The following NSG2 variants were observed in gnomAD, a reference collection of about 807,000 sequenced individuals.
The protein encoded by NSG2 is neuronal vesicle trafficking associated 2, also known as neuronal vesicle trafficking-associated protein 2.
A neutral mutation model predicts 16.9 loss-of-function variants in NSG2; 4 were observed. The ratio of observed to expected loss-of-function variants is 0.24; its 90% CI spans 0.12 to 0.54. The LOEUF (loss-of-function observed/expected upper bound fraction) is 0.54. NSG2 is among the 20% of genes least tolerant of loss of function. The probability of loss-of-function intolerance (pLI) is 0.95; values close to 1 mark genes in which losing one functional copy is unlikely to be tolerated. For synonymous variants in NSG2, 98 were observed against 88.7 expected (o/e 1.11, Z -0.59); for missense variants, 179 against 221.1 (o/e 0.81, Z 1.21).
At chr5:174,092,154 C>T (rs1467775820) in intron 3 of NSG2, among the ~76,000 whole-genome samples, 3 of 152,234 alleles carry the variant, frequency 2.0e-5, no homozygotes, top group Non-Finnish European at 4.4e-5. Flanking sequence ...TATGTGTACT[C>T]AGGACTCTGC....
intron 2 of NSG2, among the ~76,000 whole-genome samples, chr5:174,059,708 G>A (rs1760020208): frequency 6.6e-6 from 1 of 152,060 alleles, no homozygotes; most frequent in African/African-American, 2.4e-5. Context: ...ATGTCATCTG[G>A]ACCCAGCTCC....
In NSG2 at chr5:174,107,613, G is replaced by A. The variant is rs763544673; in HGVS notation, c.*108G>A. ...CTGTACTCCTGGGATATGGGGGCGG[G>A]GGCGGGGCAGGGCAGGGTGGGGGGA... On this transcript the variant is annotated 3_prime_UTR_variant, in exon 5 of 5. Transcript: ENST00000303177. The surrounding 1 kb of genome is among the most constrained non-coding windows in gnomAD (Gnocchi z 4.5). 11 of 995,244 alleles carry A rather than the reference G, an allele frequency of 1.1e-5. No homozygotes were observed. Among genetic ancestry groups the A allele is most frequent in the Non-Finnish European group, 1.4e-5 (9 of 656,810 alleles). The allele number at this position is 995,244 out of a possible 1,614,324, so 61.7% of individuals were successfully genotyped here.
In NSG2 at chr5:174,107,548, A is replaced by T. The variant is rs1474956366; in HGVS notation, c.*43A>T. Reference sequence around the variant, plus strand: ...AATGGGGGGCGGGGTGGAGAGGAGGACCCCCATTGGCTAAGCCAAGCTCCA... The same window carrying T: ...AATGGGGGGCGGGGTGGAGAGGAGGTCCCCCATTGGCTAAGCCAAGCTCCA... On this transcript the variant is annotated 3_prime_UTR_variant, in exon 5 of 5. Transcript: ENST00000303177. This position sits in a 1 kb window ranked among gnomAD's most constrained non-coding sequence, Gnocchi z 4.5. The T allele has an allele frequency of 9.8e-6, 13 of 1,327,128 alleles. No individual in the cohort carries two copies. The highest frequency in any genetic ancestry group is 1.3e-5 in the Non-Finnish European group (13 of 1,002,962). The allele number at this position is 1,327,128 out of a possible 1,614,324, so 82.2% of individuals were successfully genotyped here.
At chr5:174,100,695 G>T (rs1431697167) in intron 3 of NSG2, among the ~76,000 whole-genome samples, 1 of 152,204 alleles carries the variant, frequency 6.6e-6, no homozygotes, top group Admixed American at 6.5e-5. Flanking sequence ...TGGTGCTTTG[G>T]TGAATCAGCC....
intron 3 of NSG2, among the ~76,000 whole-genome samples, chr5:174,089,777 G>A (rs936070735): frequency 2.6e-5 from 4 of 152,022 alleles, no homozygotes; most frequent in African/African-American, 9.7e-5. Context: ...ACCACCTCCG[G>A]CTAGTTTTTA....
intron 3 of NSG2, among the ~76,000 whole-genome samples, chr5:174,081,860 A>G (rs1159732632): frequency 1.4e-5 from 2 of 143,800 alleles, no homozygotes; most frequent in African/African-American, 2.7e-5. Flanking sequence ...ACTGCACTCC[A>G]GCCTGAGCAG....
At chr5:174,104,463 A>G in intron 4 of NSG2, 125 bp downstream of exon 4, 2 of 678,958 alleles carry the variant, frequency 2.9e-6, no homozygotes, top group East Asian at 2.7e-5. Flanking sequence ...TTAAAATGGA[A>G]TATGTGTTTG....
Position 174,066,903 on chromosome 5 carries a change from T to C in NSG2, c.213+2588T>C, listed in dbSNP as rs1760149320. 3.0e-5 allele frequency among the ~76,000 whole-genome samples: 4 copies of C among 135,482 alleles called. No homozygotes were observed. The South Asian group carries it at 9.4e-4, about 32-fold the overall frequency. The allele number at this position is 135,482 out of a possible 152,430, so 88.9% of individuals were successfully genotyped here. A position where few individuals can be genotyped will look rare whatever the true frequency, so the allele number is the denominator to read the frequency against. On this transcript the variant is annotated intron_variant, in intron 3 of 4. Coordinates refer to ENST00000303177, the MANE Select transcript of NSG2 (RefSeq NM_015980.5). Reference sequence around the variant, plus strand: ...TACTTGGGAGGCTGAGGCAGGAGAATGGCGTGAACCCGGGAGGCGGAGCTT... The same window carrying C: ...TACTTGGGAGGCTGAGGCAGGAGAACGGCGTGAACCCGGGAGGCGGAGCTT...
intron 3 of NSG2, among the ~76,000 whole-genome samples, chr5:174,073,229 G>C (rs1760273228): frequency 6.6e-6 from 1 of 152,110 alleles, no homozygotes; most frequent in Non-Finnish European, 1.5e-5. Context: ...TTCACCATTT[G>C]CTTCTACCAA....
intron 3 of NSG2, among the ~76,000 whole-genome samples, chr5:174,076,226 G>A (rs1186726053): frequency 6.6e-6 from 1 of 152,240 alleles, no homozygotes; most frequent in African/African-American, 2.4e-5. Flanking sequence ...CCGGCATGCA[G>A]TAGCCCCTAA....
intron 3 of NSG2, among the ~76,000 whole-genome samples, chr5:174,092,187 GT>G (rs1257350315): frequency 2.0e-5 from 3 of 152,234 alleles, no homozygotes; most frequent in Admixed American, 6.5e-5. Context: ...TCTTTAGATG[GT>G]TCTGATGCTT....
At chr5:174,100,533 A>G (rs1760882088) in intron 3 of NSG2, among the ~76,000 whole-genome samples, 1 of 152,118 alleles carries the variant, frequency 6.6e-6, no homozygotes, top group African/African-American at 2.4e-5. Context: ...GGTGGTGACA[A>G]CCTAGGCATC....
At chr5:174,092,816 C>T (rs1251293503) in intron 3 of NSG2, among the ~76,000 whole-genome samples, 4 of 151,934 alleles carry the variant, frequency 2.6e-5, no homozygotes, top group African/African-American at 9.7e-5. Flanking sequence ...TGAGGATGCT[C>T]TATGTGACTA....
intron 2 of NSG2, among the ~76,000 whole-genome samples, chr5:174,060,657 A>C (rs2113429845): frequency 6.6e-6 from 1 of 152,300 alleles, no homozygotes; most frequent in South Asian, 2.1e-4. Flanking sequence ...GGGTCTCATG[A>C]GCCCGAAATC....
chr5:174,096,499 G>A (rs1254571394), intron 3 of NSG2, among the ~76,000 whole-genome samples: 1 of 152,118 alleles, frequency 6.6e-6, no homozygotes, highest in African/African-American at 2.4e-5. Context: ...GGGAATGGAG[G>A]TTAAATCCAA....
intron 2 of NSG2, among the ~76,000 whole-genome samples, chr5:174,047,317 G>C (rs1209581398): frequency 1.3e-5 from 2 of 152,170 alleles, no homozygotes; most frequent in Admixed American, 6.6e-5. Context: ...CTAGGAGTTG[G>C]TTATAAAAAG....
intron 3 of NSG2, among the ~76,000 whole-genome samples, chr5:174,101,960 A>C (rs1312946214): frequency 6.6e-6 from 1 of 152,110 alleles, no homozygotes; most frequent in Non-Finnish European, 1.5e-5. Flanking sequence ...CCTGTGTGAT[A>C]CCGGACTGAT....
intron 2 of NSG2, among the ~76,000 whole-genome samples, chr5:174,058,149 A>G (rs1214343787): frequency 1.3e-5 from 2 of 152,238 alleles, no homozygotes; most frequent in Non-Finnish European, 2.9e-5. Flanking sequence ...ATTACATGGC[A>G]TGAAGATGTT....
intron 3 of NSG2, among the ~76,000 whole-genome samples, chr5:174,065,820 A>T (rs1428834503): frequency 6.6e-6 from 1 of 152,222 alleles, no homozygotes; most frequent in Non-Finnish European, 1.5e-5. Context: ...TGTGGCCACA[A>T]GCGAGTCACT....
Sources: gnomAD v4.1 joint callset for allele counts (sites outside exome capture counted in the v4.1 genomes callset) on GRCh38, gnomAD v4.1.1 for gene constraint, Gnocchi (gnomAD v3.1) non-coding constraint, MANE v1.5 for transcripts, NCBI Gene and HGNC (gene_info 2026-07-23, HGNC 2026-07-21) for gene names.